PIWIL4: variants seen among roughly 807,000 people sequenced by gnomAD.
PIWIL4 encodes the protein piwi like RNA-mediated gene silencing 4, also known as piwi-like protein 4.
In PIWIL4, 50 loss-of-function variants were observed where a neutral mutation model predicts 100.9. The ratio of observed to expected loss-of-function variants is 0.50; its 90% CI spans 0.39 to 0.63. The LOEUF (loss-of-function observed/expected upper bound fraction) is 0.63. PIWIL4 is among the 20% of genes least tolerant of loss of function. The pLI is 0.00. For missense variants in PIWIL4, 887 were observed against 1,043.3 expected (o/e 0.85, Z 2.06); for synonymous variants, 342 against 367.5 (o/e 0.93, Z 0.79).
chr11:94,613,642 A>AT (rs573031135), intron 15 of PIWIL4, among the ~76,000 whole-genome samples: 2 of 151,882 alleles, frequency 1.3e-5, no homozygotes, highest in South Asian at 2.1e-4. Flanking sequence ...CCATCCTTTT[A>AT]TTTTTTCTCC....
At chr11:94,612,486 T>G (rs1281368112) in intron 15 of PIWIL4, among the ~76,000 whole-genome samples, 1 of 152,162 alleles carries the variant, frequency 6.6e-6, no homozygotes, top group African/African-American at 2.4e-5. Context: ...AGGTTTTCTT[T>G]TTTATCCATT....
intron 10 of PIWIL4, among the ~76,000 whole-genome samples, chr11:94,597,229 A>C (rs1224923195): frequency 2.0e-5 from 3 of 152,222 alleles, no homozygotes; most frequent in Non-Finnish European, 4.4e-5. Flanking sequence ...TTACATTCTT[A>C]TGTTCCCTTC....
In PIWIL4 at chr11:94,601,909, G is replaced by T; in HGVS notation, c.1495G>T (p.Ala499Ser). ...ILCSDRTEYV[A>S]ESFLNCLRRV... ...ATGTAGCGACAGAACTGAATATGTT[G>T]CCGAGAGCTTTCTGAACTGCTTGAG... The change falls in exon 12 of 20, where the codon GCC becomes TCC. Residue 499 changes from alanine (A) to serine (S), a missense_variant. By Grantham distance (99) the Ala-to-Ser change is moderately conservative. Transcript: ENST00000299001. 6.2e-7 allele frequency: 1 copy of T among 1,614,096 alleles called. No homozygotes were observed. The highest frequency in any genetic ancestry group is 8.5e-7 in the Non-Finnish European group (1 of 1,180,004).
At chr11:94,586,292 C>A in intron 6 of PIWIL4, among the ~76,000 whole-genome samples, 1 of 152,102 alleles carries the variant, frequency 6.6e-6, no homozygotes, top group Non-Finnish European at 1.5e-5. Context: ...AGGTGCTCAG[C>A]ACATATGCCT....
rs1249029976 is a variant in PIWIL4 at position 94,589,172 on chromosome 11, C to T, written c.966C>T (p.Pro322=). 1 of 1,613,154 alleles carries T rather than the reference C, an allele frequency of 6.2e-7. No individual in the cohort carries two copies. Among genetic ancestry groups the T allele is most frequent in the Non-Finnish European group, 8.5e-7 (1 of 1,179,290 alleles). ...ATGACATTGACTGGTCAGTGAAGCCCACACACACCTTTCAGAAGCGGGATG... is the reference window on the plus strand; with the variant it reads ...ATGACATTGACTGGTCAGTGAAGCCTACACACACCTTTCAGAAGCGGGATG... ...SIDDIDWSVK[P]THTFQKRDGT... The change falls in exon 8 of 20, where the codon CCC becomes CCT. Residue 322 remains proline (P), a synonymous_variant. Coordinates refer to ENST00000299001, the MANE Select transcript of PIWIL4 (RefSeq NM_152431.3).
intron 4 of PIWIL4, among the ~76,000 whole-genome samples, chr11:94,579,192 C>G (rs1424289190): frequency 6.6e-6 from 1 of 152,136 alleles, no homozygotes; most frequent in Non-Finnish European, 1.5e-5. Context: ...ATTTTTGATT[C>G]TAGAATTGCC....
At chr11:94,587,023 T>A in intron 6 of PIWIL4, 27 bp from the exon 7 acceptor site, 1 of 1,541,396 alleles carries the variant, frequency 6.5e-7, no homozygotes, top group Non-Finnish European at 8.9e-7. Flanking sequence ...TTGACAATAT[T>A]CCTTTTTTTC....
intron 15 of PIWIL4, 35 bp from the exon 16 acceptor site, chr11:94,616,458 T>C (rs199812664): frequency 1.6e-4 from 242 of 1,514,550 alleles, no homozygotes; most frequent in Non-Finnish European, 2.0e-4. Context: ...AAAATTGAAG[T>C]TGAATTTTAC....
chr11:94,583,368 A>G (rs1565272625), intron 4 of PIWIL4, 80 bp from the exon 5 acceptor site: 1 of 1,512,184 alleles, frequency 6.6e-7, no homozygotes, highest in Non-Finnish European at 9.1e-7. Flanking sequence ...TGCATATTAC[A>G]TTGTGATGGC....
At chr11:94,615,573 T>C in intron 15 of PIWIL4, among the ~76,000 whole-genome samples, 1 of 152,228 alleles carries the variant, frequency 6.6e-6, no homozygotes, top group Non-Finnish European at 1.5e-5. Context: ...TTCTAGTTTG[T>C]TGGCAGCATT....
intron 4 of PIWIL4, among the ~76,000 whole-genome samples, chr11:94,582,814 T>TTCC (rs1948340763): frequency 6.6e-6 from 1 of 152,182 alleles, no homozygotes. Flanking sequence ...CCACCACTTA[T>TTCC]TCCTCTCTCT....
chr11:94,573,324 T>A (rs1948186215), intron 2 of PIWIL4, among the ~76,000 whole-genome samples: 1 of 152,324 alleles, frequency 6.6e-6, no homozygotes, highest in Non-Finnish European at 1.5e-5. Context: ...TCCAACACTA[T>A]GTTGAATAGG....
intron 15 of PIWIL4, among the ~76,000 whole-genome samples, chr11:94,611,518 A>G (rs188377904): frequency 2.0e-5 from 3 of 152,292 alleles, no homozygotes; most frequent in African/African-American, 7.2e-5. Context: ...TGGTCAGACA[A>G]TAGTAAGCTT....
In PIWIL4 at chr11:94,607,607, C is replaced by G; in HGVS notation, c.1807C>G (p.Leu603Val). The G allele has an allele frequency of 1.2e-6, 2 of 1,614,090 alleles. No individual in the cohort carries two copies. The highest frequency in any genetic ancestry group is 1.7e-6 in the Non-Finnish European group (2 of 1,180,006). The stretch of plus-strand genomic sequence containing the variant: ...GATCGCTATGCAGATGACTTGCAAG[C>G]TCGGAGGCGAGCTGTGGGCTGTGGA... ...TKIAMQMTCK[L>V]GGELWAVEIP... The change falls in exon 14 of 20, where the codon CTC becomes GTC. Residue 603 changes from leucine (L) to valine (V), a missense_variant. Physicochemically the swap from Leu to Val is conservative, Grantham distance 32. Coordinates refer to ENST00000299001, the MANE Select transcript of PIWIL4 (RefSeq NM_152431.3).
chr11:94,577,513 T>G, intron 4 of PIWIL4, 21 bp downstream of exon 4: 1 of 1,579,980 alleles, frequency 6.3e-7, no homozygotes, highest in Non-Finnish European at 8.7e-7. Flanking sequence ...ATTAGTTTTT[T>G]TACTGTATAT....
intron 12 of PIWIL4, among the ~76,000 whole-genome samples, chr11:94,603,258 G>T (rs1948668954): frequency 1.3e-5 from 2 of 152,128 alleles, no homozygotes; most frequent in South Asian, 4.1e-4. Context: ...TGGGGTTGAT[G>T]GTCCTGTCAC....
chr11:94,589,767 GC>G (rs1285788213), intron 8 of PIWIL4, among the ~76,000 whole-genome samples: 1 of 152,010 alleles, frequency 6.6e-6, no homozygotes, highest in African/African-American at 2.4e-5. Flanking sequence ...TCTCAAGGGA[GC>G]CCCAAAGCAT....
intron 4 of PIWIL4, among the ~76,000 whole-genome samples, chr11:94,579,202 C>T (rs900402994): frequency 1.6e-4 from 24 of 152,042 alleles, no homozygotes; most frequent in Non-Finnish European, 2.5e-4. Context: ...CTAGAATTGC[C>T]GTTTATTTAA....
intron 11 of PIWIL4, 127 bp downstream of exon 11, chr11:94,598,042 C>A: frequency 1.5e-6 from 1 of 671,652 alleles, no homozygotes; most frequent in Non-Finnish European, 2.5e-6. Flanking sequence ...TCTCTTTATC[C>A]TAAGACTTCA....
Sources: allele counts gnomAD v4.1 joint callset (sites outside exome capture counted in the v4.1 genomes callset), GRCh38; gene constraint gnomAD v4.1.1; transcripts MANE v1.5; gene names NCBI Gene and HGNC (gene_info 2026-07-23, HGNC 2026-07-21).